SNX33: variants seen among roughly 807,000 people sequenced by gnomAD.
SNX33 encodes the protein sorting nexin-33.
In SNX33, 19 loss-of-function variants were observed where a neutral mutation model predicts 38.8. That is an observed-to-expected ratio of 0.49 (90% CI 0.34 to 0.72). The LOEUF (loss-of-function observed/expected upper bound fraction) is 0.72, where lower values mean the gene tolerates loss of function less well. Among genes scored for constraint, SNX33 ranks in the 30% least tolerant of loss-of-function variants. The probability of loss-of-function intolerance (pLI) is 0.01; values close to 1 mark genes in which losing one functional copy is unlikely to be tolerated. For missense variants in SNX33, 641 were observed against 776.4 expected (o/e 0.83, Z 2.07); for synonymous variants, 246 against 289.7 (o/e 0.85, Z 1.53).
At chr15:75,651,909 C>T (rs1007378492) in intron 1 of SNX33, among the ~76,000 whole-genome samples, 6 of 152,216 alleles carry the variant, frequency 3.9e-5, no homozygotes, top group African/African-American at 1.4e-4. Context: ...GTAAGCTGGC[C>T]TTGCTTTCCT....
At chr15:75,652,006 G>GTTTTTTTTTTTTTT (rs10706187) in intron 1 of SNX33, among the ~76,000 whole-genome samples, 1 of 132,864 alleles carries the variant, frequency 7.5e-6, no homozygotes, top group African/African-American at 3.2e-5. Context: ...CTTTCTTTCT[G>GTTTTTTTTTTTTTT]TTTTTTTTTT....
intron 1 of SNX33, among the ~76,000 whole-genome samples, chr15:75,656,422 A>T (rs1050766346): frequency 2.0e-5 from 3 of 152,224 alleles, no homozygotes; most frequent in Non-Finnish European, 4.4e-5. Flanking sequence ...CCCCCAGGCC[A>T]GGCAGATTGG....
rs750066678 is a variant in SNX33 at position 75,660,954 on chromosome 15, C to T, written c.*3739C>T. The T allele has an allele frequency of 6.6e-6, 1 of 152,248 alleles. No homozygotes were observed. The highest frequency in any genetic ancestry group is 1.5e-5 in the Non-Finnish European group (1 of 68,068). 9.4% of individuals were successfully genotyped at this position (152,248 alleles called of 1,614,324 possible). A position where few individuals can be genotyped will look rare whatever the true frequency, so the allele number is the denominator to read the frequency against. ...TGGGATGACTGGATACCACCAAGTTCAGCTCCTTATTGAACAGATGGGCGC... is the reference window on the plus strand; with the variant it reads ...TGGGATGACTGGATACCACCAAGTTTAGCTCCTTATTGAACAGATGGGCGC... On this transcript the variant is annotated 3_prime_UTR_variant, in exon 2 of 2. Coordinates refer to ENST00000308527, the MANE Select transcript of SNX33 (RefSeq NM_153271.2).
In SNX33 at chr15:75,660,631, G is replaced by A. The variant is rs1893712755; in HGVS notation, c.*3416G>A. 6.5e-6 allele frequency: 1 copy of A among 152,864 alleles called. No homozygotes were observed. Among genetic ancestry groups the A allele is most frequent in the African/African-American group, 2.4e-5 (1 of 41,428 alleles). The allele number at this position is 152,864 out of a possible 1,614,324, so 9.5% of individuals were successfully genotyped here. A position where few individuals can be genotyped will look rare whatever the true frequency, so the allele number is the denominator to read the frequency against. ...GCCTTGCCATCCATTCAAAGCACCA[G>A]TGGCTACTTTGTCAGACACAGCCAC... On this transcript the variant is annotated 3_prime_UTR_variant, in exon 2 of 2. Transcript: ENST00000308527.
Position 75,649,364 on chromosome 15 carries a change from C to G in SNX33, c.262C>G (p.Pro88Ala). ...AGCCCAGGTGAGCTTGTACAACAGCCCCAGTGTGGCCAGCCCAGCTAGGAG... is the reference window on the plus strand; with the variant it reads ...AGCCCAGGTGAGCTTGTACAACAGCGCCAGTGTGGCCAGCCCAGCTAGGAG... Reference protein sequence around the residue: ...PGAQVSLYNSPSVASPARSGG... With the variant: ...PGAQVSLYNSASVASPARSGG... The change falls in exon 1 of 2, where the codon CCC becomes GCC. Residue 88 changes from proline to alanine, a missense_variant. Transcript: ENST00000308527. The surrounding 1 kb of genome is among the most constrained non-coding windows in gnomAD (Gnocchi z 6.6). 1 of 1,560,106 alleles carries G rather than the reference C, an allele frequency of 6.4e-7. No individual in the cohort carries two copies. Among genetic ancestry groups the G allele is most frequent in the Admixed American group, 1.8e-5 (1 of 54,510 alleles).
intron 1 of SNX33, among the ~76,000 whole-genome samples, chr15:75,656,390 G>C (rs569172366): frequency 9.1e-4 from 138 of 152,312 alleles, no homozygotes; most frequent in African/African-American, 3.2e-3. Flanking sequence ...GCGTGCAGGG[G>C]CCAACTCCCA....
At chr15:75,652,457 G>A (rs977380717) in intron 1 of SNX33, among the ~76,000 whole-genome samples, 1 of 152,196 alleles carries the variant, frequency 6.6e-6, no homozygotes, top group African/African-American at 2.4e-5. Flanking sequence ...CAGTGGCTGG[G>A]GACCCCCCAC....
chr15:75,658,038 T>G lies in SNX33; in HGVS notation c.*823T>G, dbSNP rs1893677739. On this transcript the variant is annotated 3_prime_UTR_variant, in exon 2 of 2. Coordinates refer to ENST00000308527, the MANE Select transcript of SNX33 (RefSeq NM_153271.2). This position sits in a 1 kb window ranked among gnomAD's most constrained non-coding sequence, Gnocchi z 4.1. ...AGGAGGGGGCTACAGGCCATCTCCC[T>G]CCTGTAGGCCTCTGACTCCCCTCCA... The G allele has an allele frequency of 6.6e-6, 1 of 152,508 alleles. No individual in the cohort carries two copies. The highest frequency in any genetic ancestry group is 1.5e-5 in the Non-Finnish European group (1 of 68,020). The allele number at this position is 152,508 out of a possible 1,614,324, so 9.4% of individuals were successfully genotyped here.
intron 1 of SNX33, among the ~76,000 whole-genome samples, chr15:75,655,784 G>A (rs1031361128): frequency 1.3e-5 from 2 of 152,176 alleles, no homozygotes; most frequent in African/African-American, 4.8e-5. Flanking sequence ...TGTGTAGTGG[G>A]TGCGTTTGCA....
rs200998546 is a variant in SNX33, at chr15:75,657,166, G to A, written c.1676G>A (p.Arg559Gln). 3.7e-6 allele frequency: 6 copies of A among 1,614,124 alleles called. No homozygotes were observed. The highest frequency in any genetic ancestry group is 3.3e-5 in the Admixed American group (2 of 60,022). Reference sequence around the variant, plus strand: ...CGCCAGCAGATCCTCTTCTACCAGCGGGTGGGCCAGCAGCTGGAGAAGACC... The same window carrying A: ...CGCCAGCAGATCCTCTTCTACCAGCAGGTGGGCCAGCAGCTGGAGAAGACC... Reference protein sequence around the residue: ...YLRQQILFYQRVGQQLEKTLR... With the variant: ...YLRQQILFYQQVGQQLEKTLR... Residue 559 changes from arginine to glutamine, a missense_variant, in exon 2 of 2, where the codon CGG becomes CAG. By Grantham distance (43) the Arg-to-Gln change is conservative (BLOSUM62 1). Around this residue, in one of 2 missense-constraint regions of SNX33, gnomAD observed 398 missense variants for 542.5 expected, o/e 0.73. Coordinates refer to ENST00000308527, the MANE Select transcript of SNX33 (RefSeq NM_153271.2). This position sits in a 1 kb window ranked among gnomAD's most constrained non-coding sequence, Gnocchi z 5.5.
Position 75,660,882 on chromosome 15 carries a change from C to A in SNX33, c.*3667C>A, listed in dbSNP as rs1893715694. 1 of 152,228 alleles carries A rather than the reference C, an allele frequency of 6.6e-6. No homozygotes were observed. Among genetic ancestry groups the A allele is most frequent in the African/African-American group, 2.4e-5 (1 of 41,454 alleles). 9.4% of individuals were successfully genotyped at this position (152,228 alleles called of 1,614,324 possible). Reference sequence around the variant, plus strand: ...GTCTCCAAGGGGGAGTAGAGCCAGTCACAAGCACCACATACAGGCACACAG... The same window carrying A: ...GTCTCCAAGGGGGAGTAGAGCCAGTAACAAGCACCACATACAGGCACACAG... On this transcript the variant is annotated 3_prime_UTR_variant, in exon 2 of 2. Transcript: ENST00000308527.
At chr15:75,652,513 G>C (rs1366116533) in intron 1 of SNX33, among the ~76,000 whole-genome samples, 1 of 152,212 alleles carries the variant, frequency 6.6e-6, no homozygotes, top group Non-Finnish European at 1.5e-5. Flanking sequence ...ACCTAGGAAG[G>C]ACACCAGGGC....
At position 75,656,955 on chromosome 15, in the gene SNX33, A is replaced by T. The variant is rs376495779; in HGVS notation, c.1472-7A>T. The T allele has an allele frequency of 1.2e-6, 2 of 1,611,554 alleles. No individual in the cohort carries two copies. Among genetic ancestry groups the T allele is most frequent in the Admixed American group, 3.3e-5 (2 of 59,858 alleles). On this transcript the variant is annotated splice_polypyrimidine_tract_variant and splice_region_variant and intron_variant, in intron 1 of 1. Transcript: ENST00000308527. ...TCACACGCTGTCCTCTGCTCTGCCT[A>T]TGCCAGGCGCCTTCGCCAAGGTGAA...
intron 1 of SNX33, among the ~76,000 whole-genome samples, chr15:75,654,738 G>A (rs2141399144): frequency 6.6e-6 from 1 of 152,346 alleles, no homozygotes; most frequent in Non-Finnish European, 1.5e-5. Flanking sequence ...GTCACAGGGT[G>A]GAGGGGTAAC....
chr15:75,648,603 C>A lies in SNX33; in HGVS notation c.-500C>A. 1 of 940,472 alleles carries A rather than the reference C, an allele frequency of 1.1e-6. No individual in the cohort carries two copies. The highest frequency in any genetic ancestry group is 1.3e-6 in the Non-Finnish European group (1 of 789,136). The allele number at this position is 940,472 out of a possible 1,614,324, so 58.3% of individuals were successfully genotyped here. A position where few individuals can be genotyped will look rare whatever the true frequency, so the allele number is the denominator to read the frequency against. On this transcript the variant is annotated 5_prime_UTR_variant, in exon 1 of 2. Coordinates refer to ENST00000308527, the MANE Select transcript of SNX33 (RefSeq NM_153271.2). This position sits in a 1 kb window ranked among gnomAD's most constrained non-coding sequence, Gnocchi z 4.4. ...GCAGATCTGCAGAGGAATGTGAGAG[C>A]CTCCCAAAGCGAGAGCCGCCAAAAG...
In SNX33 at chr15:75,650,514, C is replaced by CACTGTCTCTCTACCAGGGCCTGCTCTCCA; in HGVS notation, c.1416_1444dup (p.Phe482CysfsTer25). ...AATGACCTCTTCCAGATGCTGGACACACTGTCTCTCTACCAGGGCCTGCTC... is the reference window on the plus strand; with the variant it reads ...AATGACCTCTTCCAGATGCTGGACACACTGTCTCTCTACCAGGGCCTGCTCTCCAACTGTCTCTCTACCAGGGCCTGCTC... On this transcript the variant is annotated frameshift_variant, in exon 1 of 2. Transcript: ENST00000308527. LOFTEE classifies it high-confidence loss of function. The surrounding 1 kb of genome is among the most constrained non-coding windows in gnomAD (Gnocchi z 6.1). 6.2e-7 allele frequency: 1 copy of CACTGTCTCTCTACCAGGGCCTGCTCTCCA among 1,613,558 alleles called. No individual in the cohort carries two copies. Among genetic ancestry groups the CACTGTCTCTCTACCAGGGCCTGCTCTCCA allele is most frequent in the Non-Finnish European group, 8.5e-7 (1 of 1,179,772 alleles).
Position 75,650,411 on chromosome 15 carries a change from G to A in SNX33, c.1309G>A (p.Glu437Lys). The A allele has an allele frequency of 1.2e-6, 2 of 1,613,978 alleles. No homozygotes were observed. The highest frequency in any genetic ancestry group is 1.7e-6 in the Non-Finnish European group (2 of 1,179,978). ...SFQMDPPFCS[E>K]ALNSAISHTG... ...CCAGATGGACCCCCCCTTTTGCTCTGAGGCCCTCAACAGTGCCATTTCTCA... is the reference window on the plus strand; with the variant it reads ...CCAGATGGACCCCCCCTTTTGCTCTAAGGCCCTCAACAGTGCCATTTCTCA... Residue 437 changes from glutamate (E) to lysine (K), a missense_variant, in exon 1 of 2, where the codon GAG becomes AAG. By Grantham distance (56) the Glu-to-Lys change is moderately conservative (BLOSUM62 1). Around this residue, in one of 2 missense-constraint regions of SNX33, gnomAD observed 398 missense variants for 542.5 expected, o/e 0.73. Transcript: ENST00000308527. The surrounding 1 kb of genome is among the most constrained non-coding windows in gnomAD (Gnocchi z 6.1).
rs747232542 is a variant in SNX33 at position 75,650,212 on chromosome 15, C to T, written c.1110C>T (p.Asp370=). ...TCCAGATCCCCACCGAGCACCAGGA[C>T]TTGCAGGACGTGGAAGATCGCGTGG... is the stretch of plus-strand genomic sequence containing the variant. ...LTFQIPTEHQ[D]LQDVEDRVDT... The change falls in exon 1 of 2, where the codon GAC becomes GAT. Residue 370 remains aspartate (D), a synonymous_variant. Coordinates refer to ENST00000308527, the MANE Select transcript of SNX33 (RefSeq NM_153271.2). This position sits in a 1 kb window ranked among gnomAD's most constrained non-coding sequence, Gnocchi z 6.1. The T allele has an allele frequency of 1.3e-6, 2 of 1,594,434 alleles. No homozygotes were observed. Among genetic ancestry groups the T allele is most frequent in the East Asian group, 4.5e-5 (2 of 44,710 alleles).
Position 75,654,346 on chromosome 15 carries a change from TG to T in SNX33, c.1472-2612del, listed in dbSNP as rs1326906970. Among the ~76,000 whole-genome samples, 10 of 152,244 alleles carry T rather than the reference TG, an allele frequency of 6.6e-5. No individual in the cohort carries two copies. The East Asian group carries it at 1.9e-3, about 29-fold the overall frequency. On this transcript the variant is annotated intron_variant, in intron 1 of 1. Coordinates refer to ENST00000308527, the MANE Select transcript of SNX33 (RefSeq NM_153271.2). The stretch of plus-strand genomic sequence containing the variant: ...TAGTGCAACCTGTCCCACTGGGCAG[TG>T]GGGAGACCTGGAGCCCAGGCAAGAG...
Sources: allele counts gnomAD v4.1 joint callset (sites outside exome capture counted in the v4.1 genomes callset), GRCh38; gene constraint gnomAD v4.1.1; regional missense constraint gnomAD v4.1.1; non-coding constraint Gnocchi (gnomAD v3.1); transcripts MANE v1.5; gene names NCBI Gene and HGNC (gene_info 2026-07-23, HGNC 2026-07-21).